Variants in LATS1 observed in about 807,000 individuals in gnomAD.
LATS1 encodes the protein large tumor suppressor kinase 1.
LATS1 carries 25 observed loss-of-function variants against 106.6 expected under a neutral mutation model. That is an observed-to-expected ratio of 0.23 (90% CI 0.17 to 0.33). LATS1 has a LOEUF of 0.33. LATS1 is among the 10% of genes least tolerant of loss of function. The probability of loss-of-function intolerance (pLI) is 1.00; values close to 1 mark genes in which losing one functional copy is unlikely to be tolerated. For synonymous variants in LATS1, 465 were observed against 455.6 expected (o/e 1.02, Z -0.26); for missense variants, 1,040 against 1,382.6 (o/e 0.75, Z 3.93).
chr6:149,675,231 A>AG (rs1562324304), intron 7 of LATS1, among the ~76,000 whole-genome samples: 2 of 151,592 alleles, frequency 1.3e-5, no homozygotes, highest in African/African-American at 2.4e-5. Flanking sequence ...AAAAAAAAAA[A>AG]AGAGAGAATG....
chr6:149,712,151 T>C (rs1004184957), intron 1 of LATS1, among the ~76,000 whole-genome samples: 20 of 152,334 alleles, frequency 1.3e-4, no homozygotes, highest in African/African-American at 4.6e-4. Context: ...AAGAATAACA[T>C]AATACCGTGA....
At position 149,660,524 on chromosome 6, in the gene LATS1, T is replaced by C. The variant is rs1285219369; in HGVS notation, c.*1205A>G. ...ATAAAACACAACACAAATTTTACTA[T>C]GGTCAAAATGGAGCCTTTTTCCCCT... On this transcript the variant is annotated 3_prime_UTR_variant, in exon 8 of 8. Transcript: ENST00000543571. 1.3e-5 allele frequency: 3 copies of C among 232,930 alleles called. No individual in the cohort carries two copies. The highest frequency in any genetic ancestry group is 5.6e-5 in the Admixed American group (1 of 17,760). 14.4% of individuals were successfully genotyped at this position (232,930 alleles called of 1,614,324 possible).
Position 149,684,243 on chromosome 6 carries a change from T to C in LATS1, c.846A>G (p.Glu282=), listed in dbSNP as rs776577177. 3 of 1,613,980 alleles carry C rather than the reference T, an allele frequency of 1.9e-6. No homozygotes were observed. The highest frequency in any genetic ancestry group is 2.5e-6 in the Non-Finnish European group (3 of 1,180,014). Residue 282 remains glutamate, a synonymous_variant, in exon 4 of 8, where the codon GAA becomes GAG. Coordinates refer to ENST00000543571, the MANE Select transcript of LATS1 (RefSeq NM_004690.4). ...SQTKRYSGNM[E]YVISRISPVP... ...CAGGAGAGATTCGGGAGATTACGTA[T>C]TCCATGTTTCCAGAATAGCGCTTTG... is the stretch of plus-strand genomic sequence containing the variant.
intron 1 of LATS1, among the ~76,000 whole-genome samples, chr6:149,707,289 C>T (rs570248064): frequency 5.3e-5 from 8 of 152,174 alleles, no homozygotes; most frequent in African/African-American, 1.7e-4. Flanking sequence ...GCTGGGATTA[C>T]AGGTATGAGC....
chr6:149,673,077 C>T (rs1189069332), intron 7 of LATS1, among the ~76,000 whole-genome samples: 2 of 145,364 alleles, frequency 1.4e-5, no homozygotes, highest in Non-Finnish European at 3.0e-5. Flanking sequence ...TTTTTTACTT[C>T]TTCCTTTTCT....
chr6:149,673,643 G>A (rs1386644503), intron 7 of LATS1, among the ~76,000 whole-genome samples: 1 of 151,016 alleles, frequency 6.6e-6, no homozygotes, highest in African/African-American at 2.4e-5. Context: ...AATCCTAAAA[G>A]AAGTTTTAAA....
At chr6:149,670,167 A>G (rs913434075) in intron 7 of LATS1, among the ~76,000 whole-genome samples, 1 of 124,330 alleles carries the variant, frequency 8.0e-6, no homozygotes, top group African/African-American at 3.5e-5. Flanking sequence ...GTGAAATTGC[A>G]TCTCAAAAAA....
chr6:149,668,071 C>T (rs1025276045), intron 7 of LATS1, among the ~76,000 whole-genome samples: 9 of 152,182 alleles, frequency 5.9e-5, no homozygotes, highest in Non-Finnish European at 1.3e-4. Context: ...CAGGTGCACG[C>T]CACCAGCCCA....
In LATS1 at chr6:149,683,934, G is replaced by A; in HGVS notation, c.1155C>T (p.Ser385=). 4 of 1,614,148 alleles carry A rather than the reference G, an allele frequency of 2.5e-6. No homozygotes were observed. The highest frequency in any genetic ancestry group is 2.5e-6 in the Non-Finnish European group (3 of 1,180,008). The change falls in exon 4 of 8, where the codon AGC becomes AGT. Residue 385 remains serine, a synonymous_variant. Transcript: ENST00000543571. ...PYPLTAANGQ[S]PSALQTGGSA... ...ATCCCCCTGTTTGTAAAGCAGAAGG[G>A]CTTTGTCCATTAGCTGCTGTCAGAG...
intron 7 of LATS1, among the ~76,000 whole-genome samples, chr6:149,665,563 A>C (rs1022573234): frequency 2.0e-5 from 3 of 152,158 alleles, no homozygotes; most frequent in Admixed American, 2.0e-4. Context: ...AGTACTGGGG[A>C]CATCACAGAG....
chr6:149,694,702 G>A (rs921540946), intron 3 of LATS1, among the ~76,000 whole-genome samples: 14 of 152,026 alleles, frequency 9.2e-5, no homozygotes, highest in African/African-American at 3.4e-4. Context: ...AGCGATGTTT[G>A]TATTTGCTTT....
chr6:149,667,844 T>A (rs1164577541), intron 7 of LATS1, among the ~76,000 whole-genome samples: 2 of 152,222 alleles, frequency 1.3e-5, no homozygotes, highest in Non-Finnish European at 1.5e-5. Context: ...AGATGTCTCA[T>A]CAAATTATGA....
intron 4 of LATS1, among the ~76,000 whole-genome samples, chr6:149,682,235 T>G (rs1387261362): frequency 6.6e-6 from 1 of 152,136 alleles, no homozygotes; most frequent in Non-Finnish European, 1.5e-5. Flanking sequence ...CTAAATAATT[T>G]TAGCACATTT....
intron 7 of LATS1, among the ~76,000 whole-genome samples, chr6:149,671,636 C>T (rs1287296633): frequency 1.3e-5 from 2 of 151,932 alleles, no homozygotes; most frequent in Non-Finnish European, 2.9e-5. Flanking sequence ...TGAAGCTTCA[C>T]AGTACATTTT....
intron 7 of LATS1, among the ~76,000 whole-genome samples, chr6:149,674,050 G>A (rs981059917): frequency 6.6e-6 from 1 of 151,272 alleles, no homozygotes; most frequent in South Asian, 2.1e-4. Context: ...TCAAAGAAAC[G>A]ATGGAATCTC....
chr6:149,664,468 T>G, intron 7 of LATS1, among the ~76,000 whole-genome samples: 1 of 152,040 alleles, frequency 6.6e-6, no homozygotes, highest in Admixed American at 6.6e-5. Flanking sequence ...AAACTACACA[T>G]AGGCACACCA....
intron 1 of LATS1, among the ~76,000 whole-genome samples, chr6:149,709,820 C>T (rs1307639043): frequency 2.6e-5 from 4 of 151,840 alleles, no homozygotes; most frequent in African/African-American, 4.8e-5. Flanking sequence ...GGATTACAGG[C>T]GTGCGCTACC....
At chr6:149,697,053 T>A (rs547583616) in intron 2 of LATS1, 3 of 812,918 alleles carry the variant, frequency 3.7e-6, no homozygotes, top group East Asian at 1.1e-4. Flanking sequence ...GCAGAAAGTA[T>A]GTTGACATGC....
intron 2 of LATS1, among the ~76,000 whole-genome samples, chr6:149,699,469 T>C (rs1460829052): frequency 6.6e-6 from 1 of 151,826 alleles, no homozygotes; most frequent in Non-Finnish European, 1.5e-5. Context: ...AAGTTTACTT[T>C]TTAATAAAAA....
Sources: allele counts gnomAD v4.1 joint callset (sites outside exome capture counted in the v4.1 genomes callset), GRCh38; gene constraint gnomAD v4.1.1; transcripts MANE v1.5; gene names NCBI Gene and HGNC (gene_info 2026-07-23, HGNC 2026-07-21).